PTPRD: variants seen among roughly 807,000 people sequenced by gnomAD.
PTPRD encodes the protein protein tyrosine phosphatase receptor type D.
Under a neutral mutation model 214.5 loss-of-function variants are expected in PTPRD, and 34 were observed. The observed-to-expected ratio is 0.16, with a 90% confidence interval of 0.12 to 0.21. The LOEUF is 0.21. PTPRD is among the 10% of genes least tolerant of loss of function. PTPRD has a pLI of 1.00. For synonymous variants in PTPRD, 1,128 were observed against 845.7 expected, an observed-to-expected ratio of 1.33 and a Z score of -5.79; for missense variants, 2,545 against 2,398.7, an observed-to-expected ratio of 1.06 and a Z score of -1.27.
intron 5 of PTPRD, among the ~76,000 whole-genome samples, chr9:9,895,360 G>C (rs2074653319): frequency 6.7e-6 from 1 of 149,280 alleles, no homozygotes; most frequent in African/African-American, 2.6e-5. Context: ...GAAAGAGATG[G>C]AGATAAGCCA....
chr9:8,436,747 A>G, intron 34 of PTPRD, 58 bp from the exon 35 acceptor site: 1 of 1,301,570 alleles, frequency 7.7e-7, no homozygotes, highest in Non-Finnish European at 1.1e-6. Flanking sequence ...GATGCTAACT[A>G]TTCCAAAATA....
intron 14 of PTPRD, among the ~76,000 whole-genome samples, chr9:8,604,349 C>T (rs570168623): frequency 1.4e-4 from 21 of 152,128 alleles, no homozygotes; most frequent in Non-Finnish European, 3.1e-4. Context: ...ATAGATTTCC[C>T]AGTAAACATT....
intron 9 of PTPRD, among the ~76,000 whole-genome samples, chr9:9,315,366 C>T (rs1007294114): frequency 6.6e-6 from 1 of 151,854 alleles, no homozygotes; most frequent in Non-Finnish European, 1.5e-5. Flanking sequence ...TTATTATTGA[C>T]AATATTGCTA....
chr9:9,274,254 A>G (rs1323579482), intron 9 of PTPRD, among the ~76,000 whole-genome samples: 3 of 151,254 alleles, frequency 2.0e-5, no homozygotes, highest in African/African-American at 4.8e-5. Flanking sequence ...GTGTTTTACT[A>G]TGTTTGCTTC....
At chr9:10,247,550 G>A (rs543617001) in intron 3 of PTPRD, among the ~76,000 whole-genome samples, 8 of 152,100 alleles carry the variant, frequency 5.3e-5, no homozygotes, top group African/African-American at 1.2e-4. Context: ...TAAATTCAGC[G>A]TTATTTCCAG....
At chr9:9,871,055 A>T (rs2065282525) in intron 5 of PTPRD, among the ~76,000 whole-genome samples, 1 of 152,212 alleles carries the variant, frequency 6.6e-6, no homozygotes, top group South Asian at 2.1e-4. Flanking sequence ...AGAAAGGATA[A>T]AAATATGAAT....
chr9:8,685,828 T>C (rs2097669260), intron 12 of PTPRD, among the ~76,000 whole-genome samples: 1 of 152,190 alleles, frequency 6.6e-6, no homozygotes, highest in Non-Finnish European at 1.5e-5. Flanking sequence ...ACAGTGCTTT[T>C]TGTTAAAAAT....
chr9:8,703,270 C>T (rs1467166296), intron 12 of PTPRD, among the ~76,000 whole-genome samples: 2 of 152,144 alleles, frequency 1.3e-5, no homozygotes, highest in Non-Finnish European at 2.9e-5. Flanking sequence ...GTTTAAAGTG[C>T]TCTTTTTTTG....
chr9:10,424,335 C>T (rs138126874), intron 2 of PTPRD, among the ~76,000 whole-genome samples: 72 of 151,474 alleles, frequency 4.8e-4, no homozygotes, highest in African/African-American at 1.6e-3. Flanking sequence ...CTCTCTCTCT[C>T]TCTCTCTCAG....
Position 9,523,085 on chromosome 9 carries a change from T to C in PTPRD, c.-237+51647A>G, listed in dbSNP as rs2097028383. 1.3e-5 allele frequency among the ~76,000 whole-genome samples: 2 copies of C among 152,166 alleles called. 1 individual carries two copies. The highest frequency in any genetic ancestry group is 4.1e-4 in the South Asian group (2 of 4,834). On this transcript the variant is annotated intron_variant, in intron 8 of 45. Transcript: ENST00000381196. ...TGTTGTTAAAAACATACAAATGCTT[T>C]CCTACAACTGAAAAAATAAAATAGG...
intron 9 of PTPRD, among the ~76,000 whole-genome samples, chr9:9,324,747 C>T (rs7467602): frequency 0.74 from 112,986 of 151,882 alleles, 42,275 homozygotes; most frequent in East Asian, 0.91. Flanking sequence ...TTTGGTGTTT[C>T]AGTCATGAAG....
intron 11 of PTPRD, among the ~76,000 whole-genome samples, chr9:8,827,539 A>G (rs1210945508): frequency 2.0e-5 from 3 of 152,268 alleles, no homozygotes; most frequent in South Asian, 4.1e-4. Context: ...CCCAGGAGGC[A>G]GAGGCTGCAG....
intron 9 of PTPRD, among the ~76,000 whole-genome samples, chr9:9,390,027 G>C (rs1163603012): frequency 9.9e-5 from 15 of 152,154 alleles, no homozygotes; most frequent in Non-Finnish European, 1.8e-4. Flanking sequence ...GAAAAGCATT[G>C]CGGTAGGGTG....
intron 14 of PTPRD, among the ~76,000 whole-genome samples, chr9:8,534,238 GACC>G (rs1230265425): frequency 2.6e-5 from 4 of 151,954 alleles, no homozygotes; most frequent in Non-Finnish European, 5.9e-5. Context: ...TCAGAAGCAT[GACC>G]ACATGACAAA....
At chr9:8,626,649 C>T (rs1190074120) in intron 14 of PTPRD, among the ~76,000 whole-genome samples, 1 of 151,756 alleles carries the variant, frequency 6.6e-6, no homozygotes, top group African/African-American at 2.4e-5. Context: ...TCAGGTAAAA[C>T]ACTAAAGAGA....
At chr9:10,017,866 A>G (rs1411330881) in intron 4 of PTPRD, among the ~76,000 whole-genome samples, 1 of 152,128 alleles carries the variant, frequency 6.6e-6, no homozygotes, top group Non-Finnish European at 1.5e-5. Context: ...AATTGTAACC[A>G]ACACTCAAAT....
chr9:8,689,395 G>A (rs1158741443), intron 12 of PTPRD, among the ~76,000 whole-genome samples: 1 of 152,120 alleles, frequency 6.6e-6, no homozygotes, highest in Non-Finnish European at 1.5e-5. Context: ...CACTGCTGAT[G>A]AAGACACACC....
chr9:9,644,796 T>G (rs1430585170), intron 7 of PTPRD, among the ~76,000 whole-genome samples: 1 of 152,164 alleles, frequency 6.6e-6, no homozygotes, highest in Non-Finnish European at 1.5e-5. Flanking sequence ...CAGAGTGGCT[T>G]GGCAGAGAAG....
intron 3 of PTPRD, among the ~76,000 whole-genome samples, chr9:10,319,840 G>A (rs530469140): frequency 6.6e-6 from 1 of 151,970 alleles, no homozygotes; most frequent in Admixed American, 6.6e-5. Flanking sequence ...CAGGCTAGGG[G>A]TTTAGCTAAA....
Sources: gnomAD v4.1 joint callset for allele counts (sites outside exome capture counted in the v4.1 genomes callset) on GRCh38, gnomAD v4.1.1 for gene constraint, MANE v1.5 for transcripts, NCBI Gene and HGNC (gene_info 2026-07-23, HGNC 2026-07-21) for gene names.